TRAPPC9: variants seen among roughly 807,000 people sequenced by gnomAD.
The protein encoded by TRAPPC9 is IKK2 binding protein.
In TRAPPC9, 83 loss-of-function variants were observed where a neutral mutation model predicts 124.0. That is an observed-to-expected ratio of 0.67 (90% CI 0.56 to 0.80). TRAPPC9 has a LOEUF of 0.80. Among genes scored for constraint, TRAPPC9 ranks in the 30% least tolerant of loss-of-function variants. The pLI is 0.00. For missense variants in TRAPPC9, 1,302 were observed against 1,508.3 expected (o/e 0.86, Z 2.27); for synonymous variants, 638 against 617.5 (o/e 1.03, Z -0.49).
intron 17 of TRAPPC9, among the ~76,000 whole-genome samples, chr8:140,131,343 G>C (rs1038233488): frequency 1.4e-4 from 22 of 152,334 alleles, no homozygotes; most frequent in South Asian, 2.1e-4. Flanking sequence ...CTACACAACT[G>C]TATTGAGAGT....
At chr8:140,326,235 A>G (rs1307251244) in intron 9 of TRAPPC9, among the ~76,000 whole-genome samples, 1 of 151,834 alleles carries the variant, frequency 6.6e-6, no homozygotes, top group Non-Finnish European at 1.5e-5. Context: ...AAAAAAAAAA[A>G]AAAAGAAGAA....
At chr8:140,275,871 C>T in intron 14 of TRAPPC9, 50 bp from the exon 15 acceptor site, 2 of 1,486,302 alleles carry the variant, frequency 1.3e-6, no homozygotes, top group Non-Finnish European at 1.9e-6. Context: ...GAAGCCAAGG[C>T]CATTTGAAAA....
chr8:140,074,596 T>G (rs1843385490), intron 17 of TRAPPC9, among the ~76,000 whole-genome samples: 1 of 152,174 alleles, frequency 6.6e-6, no homozygotes, highest in Non-Finnish European at 1.5e-5. Flanking sequence ...TGGGCTCTCG[T>G]TGTCAGACAG....
intron 17 of TRAPPC9, among the ~76,000 whole-genome samples, chr8:140,144,186 T>A (rs2061422844): frequency 6.6e-6 from 1 of 152,230 alleles, no homozygotes. Context: ...TTCTAGTATA[T>A]GAATTCTAAC....
chr8:140,165,201 C>T (rs1240675100), intron 17 of TRAPPC9, among the ~76,000 whole-genome samples: 2 of 151,970 alleles, frequency 1.3e-5, no homozygotes, highest in African/African-American at 2.4e-5. Context: ...ATTAGCCAGG[C>T]GTGGTGGCGT....
intron 21 of TRAPPC9, among the ~76,000 whole-genome samples, chr8:139,879,495 A>T (rs1465423963): frequency 6.6e-6 from 1 of 152,198 alleles, no homozygotes; most frequent in Non-Finnish European, 1.5e-5. Context: ...CCCTGCCCAG[A>T]TGGTAAACTC....
chr8:140,219,350 A>C (rs1254670555), intron 17 of TRAPPC9, among the ~76,000 whole-genome samples: 1 of 152,218 alleles, frequency 6.6e-6, no homozygotes, highest in Non-Finnish European at 1.5e-5. Flanking sequence ...AGCTCCGTCG[A>C]TAGCCGCTTG....
intron 17 of TRAPPC9, among the ~76,000 whole-genome samples, chr8:140,036,485 G>A (rs1840890253): frequency 6.6e-6 from 1 of 151,790 alleles, no homozygotes; most frequent in Admixed American, 6.6e-5. Flanking sequence ...ATTCTTGACC[G>A]AAAAAAAATG....
At chr8:140,430,695 G>A (rs550750967) in intron 4 of TRAPPC9, among the ~76,000 whole-genome samples, 6 of 152,298 alleles carry the variant, frequency 3.9e-5, no homozygotes, top group African/African-American at 1.4e-4. Context: ...CTGGAGTGCA[G>A]TGGCAGAATC....
intron 13 of TRAPPC9, 72 bp from the exon 14 acceptor site, chr8:140,284,093 C>A (rs771926551): frequency 1.3e-6 from 2 of 1,597,436 alleles, no homozygotes; most frequent in South Asian, 2.2e-5. Flanking sequence ...TGAAGCAGTG[C>A]GAAGAGTACG....
intron 17 of TRAPPC9, among the ~76,000 whole-genome samples, chr8:140,157,467 A>G (rs564269033): frequency 1.3e-5 from 2 of 152,366 alleles, no homozygotes; most frequent in East Asian, 3.9e-4. Flanking sequence ...TCCACCCTCA[A>G]CGAATGACGA....
At chr8:140,283,273 A>G (rs2065379955) in intron 14 of TRAPPC9, among the ~76,000 whole-genome samples, 1 of 147,886 alleles carries the variant, frequency 6.8e-6, no homozygotes, top group South Asian at 2.1e-4. Context: ...ATAATATAAT[A>G]TAAAAGTTTA....
At chr8:140,419,915 T>C (rs1484751115) in intron 5 of TRAPPC9, among the ~76,000 whole-genome samples, 1 of 151,918 alleles carries the variant, frequency 6.6e-6, no homozygotes, top group African/African-American at 2.4e-5. Context: ...TGAAAAACTC[T>C]GTCTCTTTTC....
At chr8:139,796,028 G>GAGGAGGAGGAAGAGGAGA (rs1328442290) in intron 21 of TRAPPC9, among the ~76,000 whole-genome samples, 2 of 149,780 alleles carry the variant, frequency 1.3e-5, no homozygotes, top group Non-Finnish European at 3.0e-5. Flanking sequence ...GGAGGAGGAA[G>GAGGAGGAGGAAGAGGAGA]AGGAGGAGGA....
chr8:139,813,109 C>T (rs1824556355), intron 21 of TRAPPC9, among the ~76,000 whole-genome samples: 1 of 152,226 alleles, frequency 6.6e-6, no homozygotes, highest in African/African-American at 2.4e-5. Flanking sequence ...GCCAGCTGCT[C>T]AAGGACTGTG....
chr8:140,124,259 G>T (rs973833246), intron 17 of TRAPPC9, among the ~76,000 whole-genome samples: 11 of 152,272 alleles, frequency 7.2e-5, no homozygotes, highest in South Asian at 4.1e-4. Context: ...GTGCAGGGGG[G>T]GCTCTGCCTG....
intron 16 of TRAPPC9, among the ~76,000 whole-genome samples, chr8:140,223,319 C>T (rs528773880): frequency 3.7e-4 from 57 of 152,254 alleles, no homozygotes; most frequent in African/African-American, 1.4e-3. Context: ...TGAAACTTGT[C>T]CCCATTTTAA....
intron 21 of TRAPPC9, among the ~76,000 whole-genome samples, chr8:139,771,431 C>A (rs556781025): frequency 6.6e-6 from 1 of 152,266 alleles, no homozygotes; most frequent in South Asian, 2.1e-4. Flanking sequence ...AGCCAGGGGT[C>A]CATGTGAACC....
At chr8:139,901,423 C>A (rs1277413511) in intron 20 of TRAPPC9, among the ~76,000 whole-genome samples, 1 of 152,186 alleles carries the variant, frequency 6.6e-6, no homozygotes, top group African/African-American at 2.4e-5. Context: ...GATGCTCTTG[C>A]CGCTCTCATT....
Sources: gnomAD v4.1 joint callset for allele counts (sites outside exome capture counted in the v4.1 genomes callset) on GRCh38, gnomAD v4.1.1 for gene constraint, MANE v1.5 for transcripts, NCBI Gene and HGNC (gene_info 2026-07-23, HGNC 2026-07-21) for gene names.